CDH23: variants seen among roughly 807,000 people sequenced by gnomAD.
CDH23 encodes the protein cadherin-23.
A neutral mutation model predicts 317.1 loss-of-function variants in CDH23; 189 were observed. The ratio of observed to expected loss-of-function variants is 0.60; its 90% CI spans 0.53 to 0.67. The LOEUF (loss-of-function observed/expected upper bound fraction) is 0.67, where lower values mean the gene tolerates loss of function less well. Ranked by LOEUF, CDH23 falls within the 30% of genes least tolerant of loss-of-function variation. CDH23 has a pLI of 0.00. For synonymous variants in CDH23, 1,839 were observed against 1,876.8 expected, an observed-to-expected ratio of 0.98 and a Z score of 0.52; for missense variants, 4,401 against 4,592.4, an observed-to-expected ratio of 0.96 and a Z score of 1.20.
At chr10:71,632,863 A>G (rs1862080224) in intron 11 of CDH23, among the ~76,000 whole-genome samples, 1 of 152,158 alleles carries the variant, frequency 6.6e-6, no homozygotes, top group Non-Finnish European at 1.5e-5. Context: ...CTTATAACAG[A>G]ATAACTGAAA....
chr10:71,702,170 A>G lies in CDH23; in HGVS notation c.2546A>G (p.Glu849Gly), dbSNP rs545233135. Residue 849 changes from glutamate (E) to glycine (G), a missense_variant, in exon 23 of 70, where the codon GAG becomes GGG. By Grantham distance (98) the Glu-to-Gly change is moderately conservative. Coordinates refer to ENST00000224721, the MANE Select transcript of CDH23 (RefSeq NM_022124.6). ...GACCGGGAGAACCCCGACCCCCATG[A>G]GGCCGAGCTGATGCGCAAAATCGTC... is the stretch of plus-strand genomic sequence containing the variant. ...MLDRENPDPHEAELMRKIVVS... is the reference protein window; with the variant it reads ...MLDRENPDPHGAELMRKIVVS... The G allele has an allele frequency of 3.1e-6, 5 of 1,613,840 alleles. No individual in the cohort carries two copies. The highest frequency in any genetic ancestry group is 2.7e-5 in the African/African-American group (2 of 75,040).
chr10:71,760,789 G>T, intron 38 of CDH23: 1 of 1,410,480 alleles, frequency 7.1e-7, no homozygotes, highest in Non-Finnish European at 1.0e-6. Flanking sequence ...TGAGGCCAGA[G>T]TTCCAAACAG....
At chr10:71,596,210 G>C (rs950466805) in intron 9 of CDH23, among the ~76,000 whole-genome samples, 3 of 152,058 alleles carry the variant, frequency 2.0e-5, no homozygotes, top group African/African-American at 7.2e-5. Context: ...ATGTCGGTGG[G>C]ATCCCACACA....
intron 22 of CDH23, among the ~76,000 whole-genome samples, chr10:71,695,855 C>G (rs915470445): frequency 1.3e-5 from 2 of 152,182 alleles, no homozygotes; most frequent in South Asian, 2.1e-4. Flanking sequence ...CTGGCCACCC[C>G]CTCTGGAGAG....
rs397517343 is a variant in CDH23, at chr10:71,785,622, A to G, written c.5713-9A>G. 2.2e-5 allele frequency: 34 copies of G among 1,562,032 alleles called. No homozygotes were observed. In the Admixed American group the frequency reaches 5.7e-4, roughly 26 times the overall value. ...GTCTCCATGCAGCTCACCACCCTCCACATCCCAGACAGGGATCGTCACTGT... is the reference window on the plus strand; with the variant it reads ...GTCTCCATGCAGCTCACCACCCTCCGCATCCCAGACAGGGATCGTCACTGT... On this transcript the variant is annotated splice_polypyrimidine_tract_variant and intron_variant, in intron 43 of 69. Coordinates refer to ENST00000224721, the MANE Select transcript of CDH23 (RefSeq NM_022124.6).
At position 71,705,542 on chromosome 10, in the gene CDH23, C is replaced by T. The variant is rs531763610; in HGVS notation, c.2953+412C>T. ...TGGGAGACATAAAGGAGACCTCCCC[C>T]TCCCATGGGTGTGGAACCCCTGGAC... On this transcript the variant is annotated intron_variant, in intron 25 of 69. Transcript: ENST00000224721. Among the ~76,000 whole-genome samples, 465 of 152,276 alleles carry T rather than the reference C, an allele frequency of 3.1e-3. 1 individual carries two copies. The highest frequency in any genetic ancestry group is 0.011 in the African/African-American group (443 of 41,560).
chr10:71,779,353 G>T lies in CDH23; in HGVS notation c.5274G>T (p.Gln1758His), dbSNP rs1840894854. Residue 1758 changes from glutamine to histidine, a missense_variant, in exon 41 of 70, where the codon CAG becomes CAT. This residue lies in a region of CDH23 where 3,068 missense variants were observed against 3,203.3 expected (regional missense o/e 0.96). Coordinates refer to ENST00000224721, the MANE Select transcript of CDH23 (RefSeq NM_022124.6). Reference protein sequence around the residue: ...YEGPFEVTEGQPGPRVWTFLA... With the variant: ...YEGPFEVTEGHPGPRVWTFLA... ...GACCATTTGAAGTCACTGAGGGCCA[G>T]CCGGGGCCCAGAGTGTGGACCTTCC... The T allele has an allele frequency of 1.9e-6, 3 of 1,614,008 alleles. No individual in the cohort carries two copies. Among genetic ancestry groups the T allele is most frequent in the Non-Finnish European group, 1.7e-6 (2 of 1,179,882 alleles).
At chr10:71,534,382 C>T (rs12250577) in intron 6 of CDH23, among the ~76,000 whole-genome samples, 2,955 of 152,308 alleles carry the variant, frequency 0.019, 104 homozygotes, top group African/African-American at 0.067. Flanking sequence ...ACCACCACAG[C>T]GCTATCACTG....
At chr10:71,533,525 C>CCACAAA (rs1855520388) in intron 6 of CDH23, among the ~76,000 whole-genome samples, 1 of 130,752 alleles carries the variant, frequency 7.6e-6, no homozygotes, top group Admixed American at 7.5e-5. Flanking sequence ...TGGCTGGACA[C>CCACAAA]CACACACACA....
chr10:71,633,337 A>G (rs1388773661), intron 11 of CDH23, among the ~76,000 whole-genome samples: 3 of 152,130 alleles, frequency 2.0e-5, no homozygotes, highest in Non-Finnish European at 4.4e-5. Flanking sequence ...CACAGCAGAT[A>G]AACACATGCA....
chr10:71,510,507 G>C (rs1853906915), intron 4 of CDH23, among the ~76,000 whole-genome samples: 1 of 152,062 alleles, frequency 6.6e-6, no homozygotes, highest in African/African-American at 2.4e-5. Flanking sequence ...GCCCTCCATG[G>C]AGGGTACAAG....
chr10:71,449,015 G>T (rs1016453475), intron 3 of CDH23, among the ~76,000 whole-genome samples: 1 of 152,212 alleles, frequency 6.6e-6, no homozygotes, highest in East Asian at 1.9e-4. Flanking sequence ...TTGACTCAGG[G>T]TTCCAGTCAC....
intron 30 of CDH23, among the ~76,000 whole-genome samples, chr10:71,727,035 C>G (rs1448352396): frequency 6.6e-6 from 1 of 152,230 alleles, no homozygotes. Flanking sequence ...CAGCTACTTA[C>G]GTCCTGCCCG....
intron 14 of CDH23, among the ~76,000 whole-genome samples, chr10:71,666,401 A>G (rs1665629): frequency 0.58 from 87,221 of 151,634 alleles, 25,928 homozygotes; most frequent in South Asian, 0.78. Flanking sequence ...ATTTTCCTTC[A>G]AGCACCCATC....
chr10:71,682,260 G>A (rs889621102), intron 17 of CDH23, among the ~76,000 whole-genome samples, 185 bp from the exon 18 acceptor site: 1 of 152,196 alleles, frequency 6.6e-6, no homozygotes, highest in African/African-American at 2.4e-5. Flanking sequence ...GCAGCACAGG[G>A]TCTGGCACAT....
chr10:71,695,165 A>G lies in CDH23; in HGVS notation c.2290-253A>G, dbSNP rs4747185. Among the ~76,000 whole-genome samples, 5,469 of 152,286 alleles carry G rather than the reference A, an allele frequency of 0.036. 198 individuals are homozygous for G. The highest frequency in any genetic ancestry group is 0.12 in the East Asian group (617 of 5,176). On this transcript the variant is annotated intron_variant, in intron 21 of 69. Coordinates refer to ENST00000224721, the MANE Select transcript of CDH23 (RefSeq NM_022124.6). ...GATGGGGGAAGCCCCAGGTCACAGCAAGGATTTCAGGGCTTATCACATCCA... is the reference window on the plus strand; with the variant it reads ...GATGGGGGAAGCCCCAGGTCACAGCGAGGATTTCAGGGCTTATCACATCCA...
chr10:71,450,350 C>G (rs1850375157), intron 3 of CDH23, among the ~76,000 whole-genome samples: 1 of 151,516 alleles, frequency 6.6e-6, no homozygotes, highest in Non-Finnish European at 1.5e-5. Flanking sequence ...ACTGCAGCCT[C>G]CACCTCCCGG....
At chr10:71,586,189 G>C (rs1237834107) in intron 9 of CDH23, among the ~76,000 whole-genome samples, 2 of 152,174 alleles carry the variant, frequency 1.3e-5, no homozygotes, top group Non-Finnish European at 1.5e-5. Context: ...CTGTGGGGTT[G>C]GGGGGTTTCT....
rs541259117 is a variant in CDH23, at chr10:71,701,465, A to T, written c.2398-557A>T. Among the ~76,000 whole-genome samples the T allele has an allele frequency of 2.3e-4, 35 of 152,208 alleles. No individual in the cohort carries two copies. The East Asian group carries it at 6.2e-3, about 27-fold the overall frequency. ...CTGACCCCTTCATGACGTGGGGGTT[A>T]TAAGTGGGGAACCAGGCTGTAGGCC... On this transcript the variant is annotated intron_variant, in intron 22 of 69. Coordinates refer to ENST00000224721, the MANE Select transcript of CDH23 (RefSeq NM_022124.6).
Sources: allele counts gnomAD v4.1 joint callset (sites outside exome capture counted in the v4.1 genomes callset), GRCh38; gene constraint gnomAD v4.1.1; regional missense constraint gnomAD v4.1.1; transcripts MANE v1.5; gene names NCBI Gene and HGNC (gene_info 2026-07-23, HGNC 2026-07-21).